Variants in MDN1 observed in about 807,000 individuals in gnomAD.
MDN1 encodes midasin.
MDN1 carries 266 observed loss-of-function variants against 669.2 expected under a neutral mutation model. That is an observed-to-expected ratio of 0.40 (90% CI 0.36 to 0.44). The LOEUF is 0.44. Among genes scored for constraint, MDN1 ranks in the 20% least tolerant of loss-of-function variants. MDN1 has a pLI of 1.00. For missense variants in MDN1, 5,940 were observed against 6,754.0 expected, an observed-to-expected ratio of 0.88 and a Z score of 4.22; for synonymous variants, 2,385 against 2,457.1, an observed-to-expected ratio of 0.97 and a Z score of 0.87.
In MDN1 at chr6:89,672,311, G is replaced by A; in HGVS notation, c.13683C>T (p.Asp4561=). 1.2e-6 allele frequency: 2 copies of A among 1,613,100 alleles called. No homozygotes were observed. The highest frequency in any genetic ancestry group is 1.7e-6 in the Non-Finnish European group (2 of 1,179,824). ...SGHLTKLLED[D]FWADVSTLHV... Reference sequence around the variant, plus strand: ...GCAAAGTGCTCACATCGGCCCAGAAGTCATCCTCTAAGAGTTTTGTTAGAT... The same window carrying A: ...GCAAAGTGCTCACATCGGCCCAGAAATCATCCTCTAAGAGTTTTGTTAGAT... The change falls in exon 82 of 102, where the codon GAC becomes GAT. Residue 4561 remains aspartate (D), a synonymous_variant. Transcript: ENST00000369393.
At position 89,745,431 on chromosome 6, in the gene MDN1, T is replaced by C; in HGVS notation, c.4040-20A>G. ...ATTTACCTATCCAAGGAAAAATAAA[T>C]ATTTAGATTCTAATGAGTACAACTC... On this transcript the variant is annotated intron_variant, in intron 28 of 101. Transcript: ENST00000369393. 1.2e-6 allele frequency: 2 copies of C among 1,613,922 alleles called. No individual in the cohort carries two copies. Among genetic ancestry groups the C allele is most frequent in the South Asian group, 2.2e-5 (2 of 91,054 alleles).
chr6:89,693,658 A>G (rs1403059156), intron 62 of MDN1, among the ~76,000 whole-genome samples: 1 of 152,210 alleles, frequency 6.6e-6, no homozygotes, highest in Non-Finnish European at 1.5e-5. Context: ...GGGATGCTCA[A>G]CTGGTATAAA....
intron 15 of MDN1, among the ~76,000 whole-genome samples, chr6:89,764,369 G>T (rs1381057963): frequency 6.6e-6 from 1 of 152,152 alleles, no homozygotes; most frequent in Non-Finnish European, 1.5e-5. Context: ...ACTTTGGGAG[G>T]CTAAACAGGT....
chr6:89,788,823 A>G (rs1038971083), intron 7 of MDN1, among the ~76,000 whole-genome samples: 4 of 152,216 alleles, frequency 2.6e-5, no homozygotes, highest in Admixed American at 6.5e-5. Context: ...TGGGATAAGA[A>G]CAGAATAAAG....
intron 51 of MDN1, among the ~76,000 whole-genome samples, 178 bp from the exon 52 acceptor site, chr6:89,707,654 AG>A (rs1441973435): frequency 6.6e-6 from 1 of 152,222 alleles, no homozygotes; most frequent in Non-Finnish European, 1.5e-5. Flanking sequence ...CTAAGGTGAA[AG>A]GAAAGATCGA....
intron 23 of MDN1, 93 bp downstream of exon 23, chr6:89,751,338 A>G (rs1816935595): frequency 6.9e-7 from 1 of 1,454,504 alleles, no homozygotes; most frequent in South Asian, 1.3e-5. Flanking sequence ...GAATAAGAAT[A>G]AAGCTCTTTG....
intron 66 of MDN1, 136 bp downstream of exon 66, chr6:89,688,437 T>TTA (rs1812164572): frequency 1.3e-6 from 1 of 756,916 alleles, no homozygotes; most frequent in African/African-American, 1.8e-5. Flanking sequence ...AAGTAACATC[T>TTA]CATTGAACTG....
intron 15 of MDN1, among the ~76,000 whole-genome samples, chr6:89,765,150 C>T (rs1016943207): frequency 4.1e-4 from 62 of 151,982 alleles, no homozygotes; most frequent in Non-Finnish European, 7.2e-4. Flanking sequence ...CCCAGCTACT[C>T]GGGAGGCTGA....
chr6:89,646,529 A>G lies in MDN1; in HGVS notation c.16459+11T>C, dbSNP rs1808501538. On this transcript the variant is annotated intron_variant, in intron 100 of 101. Coordinates refer to ENST00000369393, the MANE Select transcript of MDN1 (RefSeq NM_014611.3). ...GCATTTTGTTAATGAAGAGGAAGGC[A>G]TGCAGCTCACCTGAACTGATGTTCT... The G allele has an allele frequency of 3.1e-6, 5 of 1,613,254 alleles. No individual in the cohort carries two copies. The highest frequency in any genetic ancestry group is 1.1e-5 in the South Asian group (1 of 90,994).
chr6:89,719,104 C>T (rs1192197975), intron 41 of MDN1, 32 bp downstream of exon 41: 1 of 1,611,686 alleles, frequency 6.2e-7, no homozygotes, highest in Non-Finnish European at 8.5e-7. Context: ...TAAAAAATGT[C>T]AAAGGATAGA....
At chr6:89,677,140 G>C (rs920042420) in intron 76 of MDN1, among the ~76,000 whole-genome samples, 9 of 151,684 alleles carry the variant, frequency 5.9e-5, no homozygotes, top group Admixed American at 3.9e-4. Flanking sequence ...CGCCCAGGCT[G>C]GAGTGCAGTG....
intron 2 of MDN1, 77 bp downstream of exon 2, chr6:89,803,251 C>A: frequency 8.0e-7 from 1 of 1,257,130 alleles, no homozygotes; most frequent in African/African-American, 1.5e-5. Context: ...CTTCTCAGCT[C>A]AGACTCCCTT....
At chr6:89,701,530 T>C (rs1813158996) in intron 55 of MDN1, 28 bp downstream of exon 55, 1 of 1,610,584 alleles carries the variant, frequency 6.2e-7, no homozygotes, top group Non-Finnish European at 8.5e-7. Context: ...TCACATTTCT[T>C]TTATTTACTA....
Position 89,650,036 on chromosome 6 carries a change from A to G in MDN1, c.16194T>C (p.Asn5398=). Residue 5398 remains asparagine (N), a synonymous_variant, in exon 97 of 102, where the codon AAT becomes AAC. Transcript: ENST00000369393. The part of the protein sequence containing the change: ...AIDDSSSMVD[N]HTKQLAFESL... ...TTCTCTTCCTTACCTGCTTGGTATG[A>G]TTGTCTACCATACTAGAAGAGTCAT... The G allele has an allele frequency of 6.2e-7, 1 of 1,614,032 alleles. No homozygotes were observed. The highest frequency in any genetic ancestry group is 8.5e-7 in the Non-Finnish European group (1 of 1,179,978).
chr6:89,760,882 C>T (rs1486699630), intron 17 of MDN1, among the ~76,000 whole-genome samples: 3 of 152,038 alleles, frequency 2.0e-5, no homozygotes, highest in Admixed American at 6.6e-5. Context: ...AAGCCTTGGC[C>T]AGGCGCGGTG....
At chr6:89,816,458 G>T (rs1208230955) in intron 1 of MDN1, among the ~76,000 whole-genome samples, 1 of 151,166 alleles carries the variant, frequency 6.6e-6, no homozygotes, top group Admixed American at 6.6e-5. Context: ...TCATTTACAG[G>T]CTAGGCTTAT....
chr6:89,761,591 T>C lies in MDN1; in HGVS notation c.2460+54A>G, dbSNP rs761438724. On this transcript the variant is annotated intron_variant, in intron 17 of 101. Coordinates refer to ENST00000369393, the MANE Select transcript of MDN1 (RefSeq NM_014611.3). Reference sequence around the variant, plus strand: ...ACAAAATAGTAACCTGCCTGAAACATTGTTTTGCATAAAATCAACGTTCCC... The same window carrying C: ...ACAAAATAGTAACCTGCCTGAAACACTGTTTTGCATAAAATCAACGTTCCC... 57 of 1,310,476 alleles carry C rather than the reference T, an allele frequency of 4.3e-5. No individual in the cohort carries two copies. The East Asian group carries it at 1.1e-3, about 26-fold the overall frequency. 81.2% of individuals were successfully genotyped at this position (1,310,476 alleles called of 1,614,324 possible).
intron 88 of MDN1, among the ~76,000 whole-genome samples, chr6:89,659,583 A>G (rs771351418): frequency 1.2e-4 from 19 of 152,220 alleles, no homozygotes; most frequent in Non-Finnish European, 2.5e-4. Flanking sequence ...ATACTCATAC[A>G]TACAGTTGTT....
chr6:89,706,312 T>G (rs775967769), intron 52 of MDN1, 120 bp from the exon 53 acceptor site: 48 of 1,106,312 alleles, frequency 4.3e-5, no homozygotes, highest in Non-Finnish European at 5.9e-5. Flanking sequence ...AGGTCAATTT[T>G]GAGAGCAAAA....
Sources: gnomAD v4.1 joint callset for allele counts (sites outside exome capture counted in the v4.1 genomes callset) on GRCh38, gnomAD v4.1.1 for gene constraint, MANE v1.5 for transcripts, NCBI Gene and HGNC (gene_info 2026-07-23, HGNC 2026-07-21) for gene names.